The following PARD3 variants were observed in gnomAD, a reference collection of about 807,000 sequenced individuals.
The protein encoded by PARD3 is partitioning defective 3 homolog.
In PARD3, 75 loss-of-function variants were observed where a neutral mutation model predicts 155.4. The ratio of observed to expected loss-of-function variants is 0.48; its 90% CI spans 0.40 to 0.58. The LOEUF is 0.58. PARD3 is among the 20% of genes least tolerant of loss of function. PARD3 has a pLI of 0.00. For synonymous variants in PARD3, 576 were observed against 610.5 expected, an observed-to-expected ratio of 0.94 and a Z score of 0.83; for missense variants, 1,642 against 1,721.7, an observed-to-expected ratio of 0.95 and a Z score of 0.82.
chr10:34,775,804 T>C (rs1476618596), intron 1 of PARD3, among the ~76,000 whole-genome samples: 1 of 152,182 alleles, frequency 6.6e-6, no homozygotes, highest in Non-Finnish European at 1.5e-5. Context: ...GAGAAATCTG[T>C]AGGTATTATT....
intron 20 of PARD3, among the ~76,000 whole-genome samples, chr10:34,302,074 C>T (rs747018224): frequency 6.6e-6 from 1 of 152,084 alleles, no homozygotes; most frequent in Non-Finnish European, 1.5e-5. Context: ...TGGCTACCCA[C>T]TATCTTTAGG....
At chr10:34,346,239 C>T (rs950835122) in intron 15 of PARD3, 15 of 1,145,422 alleles carry the variant, frequency 1.3e-5, no homozygotes, top group African/African-American at 6.6e-5. Context: ...CTAACAAAAT[C>T]GGGGCAACAG....
At chr10:34,159,834 G>C (rs1212054962) in intron 22 of PARD3, among the ~76,000 whole-genome samples, 1 of 152,204 alleles carries the variant, frequency 6.6e-6, no homozygotes, top group Non-Finnish European at 1.5e-5. Flanking sequence ...ACTTGCCCAA[G>C]ATCAACAGCT....
intron 2 of PARD3, among the ~76,000 whole-genome samples, chr10:34,634,694 A>G (rs931462931): frequency 2.0e-5 from 3 of 152,238 alleles, no homozygotes; most frequent in African/African-American, 7.2e-5. Flanking sequence ...CAAATGAAAC[A>G]TGGAGACAGC....
At chr10:34,644,464 G>A (rs895557008) in intron 2 of PARD3, among the ~76,000 whole-genome samples, 4 of 152,234 alleles carry the variant, frequency 2.6e-5, no homozygotes, top group Admixed American at 6.5e-5. Flanking sequence ...GGCTGGTGCC[G>A]GCTGACATGG....
intron 2 of PARD3, among the ~76,000 whole-genome samples, chr10:34,647,518 C>T (rs1022578629): frequency 1.3e-5 from 2 of 152,230 alleles, no homozygotes; most frequent in Non-Finnish European, 2.9e-5. Flanking sequence ...TTCAAGCCCA[C>T]AGAAAATACA....
chr10:34,703,219 CA>C (rs553311500), intron 1 of PARD3, among the ~76,000 whole-genome samples: 72 of 137,986 alleles, frequency 5.2e-4, no homozygotes, highest in East Asian at 2.1e-3. Context: ...CCCATCTGTA[CA>C]AAAAAAAAAA....
At chr10:34,486,338 C>G (rs2133263108) in intron 3 of PARD3, among the ~76,000 whole-genome samples, 1 of 152,210 alleles carries the variant, frequency 6.6e-6, no homozygotes, top group Middle Eastern at 3.4e-3. Flanking sequence ...ATGTTCTTGG[C>G]CAAGAATGGG....
At chr10:34,527,681 G>C (rs923737298) in intron 2 of PARD3, among the ~76,000 whole-genome samples, 2 of 152,156 alleles carry the variant, frequency 1.3e-5, no homozygotes, top group African/African-American at 4.8e-5. Context: ...AATTCATTCT[G>C]ACAACCACAA....
chr10:34,265,253 C>T (rs1379524649), intron 22 of PARD3, among the ~76,000 whole-genome samples: 2 of 152,186 alleles, frequency 1.3e-5, no homozygotes, highest in Non-Finnish European at 2.9e-5. Flanking sequence ...TATTTCTAGA[C>T]ATGGCATGAT....
intron 2 of PARD3, among the ~76,000 whole-genome samples, chr10:34,545,367 C>T (rs2083957202): frequency 6.6e-6 from 1 of 152,114 alleles, no homozygotes; most frequent in South Asian, 2.1e-4. Flanking sequence ...CTCCCTCAAA[C>T]TCCGGTGTTA....
At chr10:34,637,500 C>T (rs1230993506) in intron 2 of PARD3, among the ~76,000 whole-genome samples, 4 of 152,168 alleles carry the variant, frequency 2.6e-5, no homozygotes, top group East Asian at 1.9e-4. Context: ...GCAGAGGCTC[C>T]GAGAATTTCC....
At chr10:34,594,780 A>G (rs1009341269) in intron 2 of PARD3, among the ~76,000 whole-genome samples, 3 of 152,156 alleles carry the variant, frequency 2.0e-5, no homozygotes, top group African/African-American at 7.2e-5. Context: ...TATAGCAAAC[A>G]TCATACCACT....
intron 17 of PARD3, among the ~76,000 whole-genome samples, chr10:34,336,485 A>G (rs1457697460): frequency 1.3e-5 from 2 of 152,180 alleles, no homozygotes; most frequent in African/African-American, 4.8e-5. Flanking sequence ...TATCATAATT[A>G]GCCAAGGCAA....
intron 14 of PARD3, among the ~76,000 whole-genome samples, chr10:34,354,744 CAGAGG>C (rs1564621158): frequency 6.6e-6 from 1 of 152,118 alleles, no homozygotes; most frequent in African/African-American, 2.4e-5. Context: ...GTGGCTAGAG[CAGAGG>C]TGCTGCAGGG....
At chr10:34,249,822 G>C (rs1954185546) in intron 22 of PARD3, among the ~76,000 whole-genome samples, 1 of 152,190 alleles carries the variant, frequency 6.6e-6, no homozygotes, top group Non-Finnish European at 1.5e-5. Flanking sequence ...TACTCCCTAG[G>C]TGGCAGCACA....
chr10:34,587,671 TAC>T (rs1013774357), intron 2 of PARD3, among the ~76,000 whole-genome samples: 1 of 151,888 alleles, frequency 6.6e-6, no homozygotes, highest in Non-Finnish European at 1.5e-5. Context: ...CCAAGATATC[TAC>T]AGTCTCAGGA....
intron 2 of PARD3, among the ~76,000 whole-genome samples, chr10:34,666,796 A>AAAATATATAT (rs1358640964): frequency 6.0e-5 from 4 of 66,930 alleles, no homozygotes; most frequent in Admixed American, 1.8e-4. Flanking sequence ...AAAAAAAAAA[A>AAAATATATAT]ATATATATAT....
At chr10:34,177,316 C>T (rs1001508186) in intron 22 of PARD3, among the ~76,000 whole-genome samples, 4 of 152,138 alleles carry the variant, frequency 2.6e-5, no homozygotes, top group African/African-American at 9.7e-5. Context: ...CCAGCCCCTC[C>T]TCATCTCCCT....
Sources: allele counts gnomAD v4.1 joint callset (sites outside exome capture counted in the v4.1 genomes callset), GRCh38; gene constraint gnomAD v4.1.1; transcripts MANE v1.5; gene names NCBI Gene and HGNC (gene_info 2026-07-23, HGNC 2026-07-21).